The following MPHOSPH9 variants were observed in gnomAD, a reference collection of about 807,000 sequenced individuals.
MPHOSPH9 encodes the protein M-phase phosphoprotein 9.
Under a neutral mutation model 145.5 loss-of-function variants are expected in MPHOSPH9, and 88 were observed. The ratio of observed to expected loss-of-function variants is 0.60; its 90% CI spans 0.51 to 0.72. The LOEUF (loss-of-function observed/expected upper bound fraction) is 0.72, where lower values mean the gene tolerates loss of function less well. Among genes scored for constraint, MPHOSPH9 ranks in the 30% least tolerant of loss-of-function variants. The pLI is 0.00. For synonymous variants in MPHOSPH9, 435 were observed against 486.2 expected (o/e 0.89, Z 1.39); for missense variants, 1,238 against 1,386.6 (o/e 0.89, Z 1.70).
At chr12:123,218,255 T>A in intron 6 of MPHOSPH9, 121 bp downstream of exon 6, 3 of 1,385,038 alleles carry the variant, frequency 2.2e-6, no homozygotes, top group Non-Finnish European at 2.9e-6. Context: ...ACAAAAAAAA[T>A]GTATAAATGA....
chr12:123,214,208 T>A (rs1049490056), intron 7 of MPHOSPH9, among the ~76,000 whole-genome samples: 1 of 152,188 alleles, frequency 6.6e-6, no homozygotes, highest in African/African-American at 2.4e-5. Context: ...AGTACTTCTT[T>A]ATTCTCTTTA....
chr12:123,241,377 G>A (rs907903502), intron 1 of MPHOSPH9, among the ~76,000 whole-genome samples: 1 of 151,432 alleles, frequency 6.6e-6, no homozygotes, highest in African/African-American at 2.4e-5. Context: ...TTCAGTCTTC[G>A]CCCAGGCTGG....
chr12:123,225,071 G>C (rs916458169), intron 3 of MPHOSPH9, among the ~76,000 whole-genome samples: 1 of 151,942 alleles, frequency 6.6e-6, no homozygotes, highest in Non-Finnish European at 1.5e-5. Context: ...TTTTAAAGCG[G>C]GTAAAGGTAG....
chr12:123,216,030 G>C (rs2046941713), intron 6 of MPHOSPH9, among the ~76,000 whole-genome samples: 2 of 152,198 alleles, frequency 1.3e-5, no homozygotes, highest in South Asian at 4.1e-4. Context: ...GAGGTCAGGA[G>C]ATTGGGATTA....
At chr12:123,199,686 G>A (rs1249473007) in intron 11 of MPHOSPH9, among the ~76,000 whole-genome samples, 4 of 151,750 alleles carry the variant, frequency 2.6e-5, no homozygotes, top group African/African-American at 7.3e-5. Flanking sequence ...CCAGCTACTC[G>A]GGAGGCTGAG....
At chr12:123,195,985 T>C (rs1209007673) in intron 12 of MPHOSPH9, among the ~76,000 whole-genome samples, 2 of 151,224 alleles carry the variant, frequency 1.3e-5, no homozygotes, top group Admixed American at 6.6e-5. Context: ...CAGTAAGCCA[T>C]GACGGCTCCA....
intron 1 of MPHOSPH9, among the ~76,000 whole-genome samples, chr12:123,231,381 C>A (rs1382809163): frequency 6.6e-6 from 1 of 152,130 alleles, no homozygotes; most frequent in African/African-American, 2.4e-5. Flanking sequence ...TTGACTTATA[C>A]AGAGACAAGA....
intron 7 of MPHOSPH9, among the ~76,000 whole-genome samples, chr12:123,210,939 T>C (rs1048812034): frequency 6.7e-6 from 1 of 149,176 alleles, no homozygotes; most frequent in African/African-American, 2.5e-5. Context: ...ATTACAGGCA[T>C]GCGCCACCAT....
rs374288592 is a variant in MPHOSPH9 at position 123,197,790 on chromosome 12, G to GAA, written c.2025+455_2025+456dup. 2.2e-4 allele frequency among the ~76,000 whole-genome samples: 18 copies of GAA among 80,148 alleles called. No individual in the cohort carries two copies. In the East Asian group the frequency reaches 4.7e-3, roughly 21 times the overall value. 52.6% of individuals were successfully genotyped at this position (80,148 alleles called of 152,430 possible). A position where few individuals can be genotyped will look rare whatever the true frequency, so the allele number is the denominator to read the frequency against. On this transcript the variant is annotated intron_variant, in intron 12 of 23. Coordinates refer to ENST00000606320, the MANE Select transcript of MPHOSPH9 (RefSeq NM_022782.4). ...GAGCGAGACTCCATCTCAAAAAAAA[G>GAA]AAAAAAAAAAAAAAAGGGTGCAGTG...
intron 6 of MPHOSPH9, among the ~76,000 whole-genome samples, chr12:123,218,037 T>G (rs1441912291): frequency 7.6e-6 from 1 of 131,300 alleles, no homozygotes; most frequent in Non-Finnish European, 1.6e-5. Context: ...AGAGCGAGAC[T>G]CCATCTCAAA....
intron 19 of MPHOSPH9, chr12:123,163,363 C>T: frequency 2.4e-6 from 1 of 419,218 alleles, no homozygotes; most frequent in South Asian, 5.5e-5. Context: ...CACTCTGACT[C>T]AAAACTGGTT....
chr12:123,163,223 G>C lies in MPHOSPH9; in HGVS notation c.2909-89C>G. The C allele has an allele frequency of 2.3e-6, 3 of 1,329,052 alleles. No individual in the cohort carries two copies. In the South Asian group the frequency reaches 4.3e-5, roughly 19 times the overall value. 82.3% of individuals were successfully genotyped at this position (1,329,052 alleles called of 1,614,324 possible). On this transcript the variant is annotated intron_variant, in intron 19 of 23. Coordinates refer to ENST00000606320, the MANE Select transcript of MPHOSPH9 (RefSeq NM_022782.4). ...TATTCAGTATTTTTTTTCTAATTTTGAAAGGAATATAATTTCAACGTAAAA... is the reference window on the plus strand; with the variant it reads ...TATTCAGTATTTTTTTTCTAATTTTCAAAGGAATATAATTTCAACGTAAAA...
Position 123,214,965 on chromosome 12 carries a change from C to T in MPHOSPH9, c.997-131G>A, listed in dbSNP as rs535192175. ...GAGGGTTCAAAGAAGAAAGCCTGGC[C>T]AGGCGTGATAGCTCACGCCTATGAT... On this transcript the variant is annotated intron_variant, in intron 6 of 23. Coordinates refer to ENST00000606320, the MANE Select transcript of MPHOSPH9 (RefSeq NM_022782.4). 3.1e-4 allele frequency: 225 copies of T among 736,998 alleles called. No homozygotes were observed. The African/African-American group carries it at 3.5e-3, about 12-fold the overall frequency. 45.7% of individuals were successfully genotyped at this position (736,998 alleles called of 1,614,324 possible).
chr12:123,232,036 A>C (rs2047661267), intron 1 of MPHOSPH9, among the ~76,000 whole-genome samples: 1 of 151,270 alleles, frequency 6.6e-6, no homozygotes, highest in Non-Finnish European at 1.5e-5. Flanking sequence ...TGCAAAGGGT[A>C]ACCGGACCTA....
chr12:123,172,818 T>C (rs2044644447), intron 16 of MPHOSPH9, among the ~76,000 whole-genome samples: 1 of 151,006 alleles, frequency 6.6e-6, no homozygotes, highest in African/African-American at 2.4e-5. Flanking sequence ...CATGCTTGAG[T>C]GTATGACAGT....
chr12:123,162,183 G>T lies in MPHOSPH9; in HGVS notation c.3065C>A (p.Pro1022His). 6.4e-7 allele frequency: 1 copy of T among 1,569,936 alleles called. No homozygotes were observed. The highest frequency in any genetic ancestry group is 1.2e-5 in the South Asian group (1 of 81,352). Residue 1022 changes from proline to histidine, a missense_variant, in exon 21 of 24, where the codon CCT (proline) becomes CAT (histidine). By Grantham distance (77) the Pro-to-His change is moderately conservative (BLOSUM62 -2). Around this residue, in one of 3 missense-constraint regions of MPHOSPH9, gnomAD observed 393 missense variants for 462.5 expected, o/e 0.85. Coordinates refer to ENST00000606320, the MANE Select transcript of MPHOSPH9 (RefSeq NM_022782.4). ...ATTGGTACGTTGTAATGTAGACACA[G>T]GAACAGTATCTAAATCATCCAAAAG... ...DILLDDLDTV[P>H]VSTLQRTNPR...
At chr12:123,176,884 G>T in intron 15 of MPHOSPH9, 95 bp from the exon 16 acceptor site, 3 of 975,118 alleles carry the variant, frequency 3.1e-6, no homozygotes, top group Non-Finnish European at 4.7e-6. Context: ...CCTAAAAAAT[G>T]GGTGGTAAAA....
intron 14 of MPHOSPH9, 97 bp from the exon 15 acceptor site, chr12:123,180,087 A>T: frequency 1.6e-6 from 1 of 624,558 alleles, no homozygotes. Context: ...GGCTAAACCA[A>T]CTAGCTACAA....
At chr12:123,241,141 G>GTT (rs869070643) in intron 1 of MPHOSPH9, among the ~76,000 whole-genome samples, 2 of 148,740 alleles carry the variant, frequency 1.3e-5, no homozygotes, top group African/African-American at 5.0e-5. Context: ...ATTTGGGGTT[G>GTT]TTTTTTTTTT....
Sources: allele counts gnomAD v4.1 joint callset (sites outside exome capture counted in the v4.1 genomes callset), GRCh38; gene constraint gnomAD v4.1.1; regional missense constraint gnomAD v4.1.1; transcripts MANE v1.5; gene names NCBI Gene and HGNC (gene_info 2026-07-23, HGNC 2026-07-21).